The following PLCB4 variants were observed in gnomAD, a reference collection of about 807,000 sequenced individuals.
PLCB4 encodes the protein 1-phosphatidylinositol 4,5-bisphosphate phosphodiesterase beta-4.
PLCB4 carries 77 observed loss-of-function variants against 178.8 expected under a neutral mutation model. The ratio of observed to expected loss-of-function variants is 0.43; its 90% CI spans 0.36 to 0.52. The LOEUF (loss-of-function observed/expected upper bound fraction) is 0.52. PLCB4 is among the 20% of genes least tolerant of loss of function. PLCB4 has a pLI of 0.00. For missense variants in PLCB4, 1,024 were observed against 1,453.4 expected (o/e 0.70, Z 4.80); for synonymous variants, 496 against 490.8 (o/e 1.01, Z -0.14).
chr20:9,325,519 G>GCCTCACA (rs1401250190), intron 4 of PLCB4, among the ~76,000 whole-genome samples: 2 of 152,106 alleles, frequency 1.3e-5, no homozygotes, highest in Non-Finnish European at 2.9e-5. Context: ...CCCAGAATCT[G>GCCTCACA]AGCATCCAGA....
At chr20:9,400,984 T>C (rs561978916) in intron 19 of PLCB4, among the ~76,000 whole-genome samples, 6 of 152,298 alleles carry the variant, frequency 3.9e-5, no homozygotes, top group African/African-American at 1.4e-4. Context: ...AGCACAATCC[T>C]TCTGAGGCCT....
chr20:9,297,344 A>G (rs1395158163), intron 3 of PLCB4, among the ~76,000 whole-genome samples: 1 of 151,964 alleles, frequency 6.6e-6, no homozygotes, highest in African/African-American at 2.4e-5. Context: ...TAGGAATAAT[A>G]TGGTGGACTC....
chr20:9,329,285 G>A (rs1347272069), intron 4 of PLCB4, among the ~76,000 whole-genome samples: 1 of 151,976 alleles, frequency 6.6e-6, no homozygotes, highest in Non-Finnish European at 1.5e-5. Flanking sequence ...ATGATTTGGG[G>A]GCTACTTTTA....
At chr20:9,416,388 C>G (rs2040247911) in intron 25 of PLCB4, among the ~76,000 whole-genome samples, 1 of 152,158 alleles carries the variant, frequency 6.6e-6, no homozygotes, top group African/African-American at 2.4e-5. Context: ...TGACTCCAGT[C>G]CTGTATTCAT....
At chr20:9,244,587 T>C (rs577099056) in intron 3 of PLCB4, among the ~76,000 whole-genome samples, 1 of 152,342 alleles carries the variant, frequency 6.6e-6, no homozygotes, top group Non-Finnish European at 1.5e-5. Flanking sequence ...TGTCAAATGA[T>C]AAATCCCAAT....
In PLCB4 at chr20:9,460,397, T is replaced by C. The variant is rs558781805; in HGVS notation, c.3248+587T>C. On this transcript the variant is annotated intron_variant, in intron 35 of 39. Coordinates refer to ENST00000378473, the MANE Select transcript of PLCB4 (RefSeq NM_001377142.1). ...AGCTCCTAGAGTGACCAGGTTCTGA[T>C]CATTTAATAGCTACCTGTGGAGAGA... Among the ~76,000 whole-genome samples the C allele has an allele frequency of 2.0e-5, 3 of 152,298 alleles. No individual in the cohort carries two copies. The South Asian group carries it at 6.2e-4, about 32-fold the overall frequency.
At chr20:9,207,193 G>A (rs1193201598) in intron 2 of PLCB4, among the ~76,000 whole-genome samples, 1 of 152,166 alleles carries the variant, frequency 6.6e-6, no homozygotes, top group Non-Finnish European at 1.5e-5. Flanking sequence ...GGAGGTTTCT[G>A]TGACAAAATA....
chr20:9,355,297 T>C (rs1164786836), intron 7 of PLCB4, among the ~76,000 whole-genome samples: 1 of 151,482 alleles, frequency 6.6e-6, no homozygotes. Flanking sequence ...TATTTTGTAT[T>C]ATTATTATTA....
At chr20:9,383,289 A>T (rs377277119) in intron 13 of PLCB4, among the ~76,000 whole-genome samples, 1 of 152,232 alleles carries the variant, frequency 6.6e-6, no homozygotes, top group African/African-American at 2.4e-5. Flanking sequence ...GAAATTATGT[A>T]TTCTTTTACA....
At chr20:9,226,315 A>G (rs1308152397) in intron 3 of PLCB4, among the ~76,000 whole-genome samples, 1 of 152,192 alleles carries the variant, frequency 6.6e-6, no homozygotes, top group Admixed American at 6.5e-5. Flanking sequence ...ATTTGGATAG[A>G]TGCCGTTACA....
intron 3 of PLCB4, among the ~76,000 whole-genome samples, chr20:9,300,014 C>T (rs921754986): frequency 1.3e-5 from 2 of 151,958 alleles, no homozygotes; most frequent in East Asian, 1.9e-4. Flanking sequence ...GGGAAGTTAT[C>T]CCTAATGATA....
At chr20:9,148,288 G>T (rs2146912121) in intron 2 of PLCB4, among the ~76,000 whole-genome samples, 1 of 152,170 alleles carries the variant, frequency 6.6e-6, no homozygotes, top group Non-Finnish European at 1.5e-5. Flanking sequence ...CTTTGTTGTG[G>T]GGTGGAAGGG....
chr20:9,474,554 C>T (rs1175964761), intron 38 of PLCB4, among the ~76,000 whole-genome samples: 1 of 152,106 alleles, frequency 6.6e-6, no homozygotes, highest in African/African-American at 2.4e-5. Flanking sequence ...CACATTATTC[C>T]TTCCTGTTTT....
chr20:9,342,701 T>C (rs73066408), intron 7 of PLCB4, among the ~76,000 whole-genome samples: 1 of 151,318 alleles, frequency 6.6e-6, no homozygotes, highest in South Asian at 2.1e-4. Flanking sequence ...ATGCCTCAGA[T>C]AGCCAGTTTG....
chr20:9,191,572 C>T (rs1259004347), intron 2 of PLCB4, among the ~76,000 whole-genome samples: 1 of 152,066 alleles, frequency 6.6e-6, no homozygotes, highest in African/African-American at 2.4e-5. Context: ...CTAACACAAT[C>T]AGTGGTTAGT....
At chr20:9,175,223 T>C (rs762680957) in intron 2 of PLCB4, among the ~76,000 whole-genome samples, 2 of 152,150 alleles carry the variant, frequency 1.3e-5, no homozygotes, top group African/African-American at 4.8e-5. Flanking sequence ...CTCCAGGAGA[T>C]GATGAAGTGC....
intron 3 of PLCB4, chr20:9,280,545 A>G (rs952404296): frequency 2.5e-5 from 18 of 733,946 alleles, no homozygotes; most frequent in Non-Finnish European, 3.0e-5. Flanking sequence ...ACAGGAAAGC[A>G]TTCTCCTTAG....
At chr20:9,343,940 G>A (rs1013493760) in intron 7 of PLCB4, among the ~76,000 whole-genome samples, 18 of 152,184 alleles carry the variant, frequency 1.2e-4, no homozygotes, top group Non-Finnish European at 2.2e-4. Flanking sequence ...AGTGGCCCAG[G>A]CCAATGGTCC....
intron 7 of PLCB4, among the ~76,000 whole-genome samples, chr20:9,348,864 A>G (rs1001632441): frequency 6.6e-6 from 1 of 152,166 alleles, no homozygotes; most frequent in African/African-American, 2.4e-5. Flanking sequence ...AAGATGAAAG[A>G]GGCCTCAAGC....
Sources: gnomAD v4.1 joint callset for allele counts (sites outside exome capture counted in the v4.1 genomes callset) on GRCh38, gnomAD v4.1.1 for gene constraint, MANE v1.5 for transcripts, NCBI Gene and HGNC (gene_info 2026-07-23, HGNC 2026-07-21) for gene names.